Variants in MYO5A observed in about 807,000 individuals in gnomAD.
The protein encoded by MYO5A is myosin VA.
In MYO5A, 98 loss-of-function variants were observed where a neutral mutation model predicts 249.7. The ratio of observed to expected loss-of-function variants is 0.39; its 90% confidence interval spans 0.33 to 0.46. MYO5A has a LOEUF of 0.46. Ranked by LOEUF, MYO5A falls within the 20% of genes least tolerant of loss-of-function variation. The pLI is 0.98. For missense variants in MYO5A, 1,696 were observed against 2,308.8 expected (o/e 0.73, Z 5.44); for synonymous variants, 778 against 810.6 (o/e 0.96, Z 0.68).
At chr15:52,345,616 A>G (rs1355386693) in intron 30 of MYO5A, among the ~76,000 whole-genome samples, 1 of 152,040 alleles carries the variant, frequency 6.6e-6, no homozygotes, top group East Asian at 1.9e-4. Flanking sequence ...AAAGAAAAGA[A>G]ATAAGAAAAA....
At chr15:52,411,433 G>C (rs546864221) in intron 5 of MYO5A, among the ~76,000 whole-genome samples, 9 of 152,040 alleles carry the variant, frequency 5.9e-5, no homozygotes, top group Admixed American at 1.3e-4. Flanking sequence ...AGAATACAGA[G>C]AATATAACTT....
At chr15:52,337,020 T>C (rs573246416) in intron 33 of MYO5A, among the ~76,000 whole-genome samples, 3 of 152,208 alleles carry the variant, frequency 2.0e-5, no homozygotes, top group Non-Finnish European at 4.4e-5. Flanking sequence ...TATGAAATTC[T>C]AAAATTAGCC....
In MYO5A at chr15:52,391,944, C is replaced by G; in HGVS notation, c.1528G>C (p.Asp510His). The G allele has an allele frequency of 6.2e-7, 1 of 1,612,926 alleles. No homozygotes were observed. Residue 510 changes from aspartate (D) to histidine (H), a missense_variant, in exon 12 of 42, where the codon GAT (aspartate) becomes CAT (histidine). Asp to His is a moderately conservative substitution (Grantham distance 81). This residue lies in a region of MYO5A where 277 missense variants were observed against 422.4 expected (regional missense o/e 0.66). Transcript: ENST00000399233. ...ATCATACTTACCTTGCATTCCTCATCCAGTAAATCTAGAATGCCTAGTTTT... is the reference window on the plus strand; with the variant it reads ...ATCATACTTACCTTGCATTCCTCATGCAGTAAATCTAGAATGCCTAGTTTT... ...ESKLGILDLL[D>H]EECKMPKGTD...
intron 20 of MYO5A, 46 bp from the exon 21 acceptor site, chr15:52,372,409 ACTCATGAT>A: frequency 6.3e-7 from 1 of 1,595,950 alleles, no homozygotes; most frequent in Non-Finnish European, 8.5e-7. Flanking sequence ...CCTGGACTAC[ACTCATGAT>A]TATCAATCTA....
chr15:52,504,223 T>A (rs985302447), intron 1 of MYO5A, among the ~76,000 whole-genome samples: 2 of 152,232 alleles, frequency 1.3e-5, no homozygotes, highest in Admixed American at 1.3e-4. Flanking sequence ...CTCCACCCAC[T>A]CACTCTTACT....
At chr15:52,342,639 G>T (rs530538889) in intron 31 of MYO5A, among the ~76,000 whole-genome samples, 243 of 152,246 alleles carry the variant, frequency 1.6e-3, no homozygotes, top group African/African-American at 5.7e-3. Flanking sequence ...TTTGGACCGG[G>T]TGTGGTGGCT....
At chr15:52,515,658 C>A (rs1299920840) in intron 1 of MYO5A, among the ~76,000 whole-genome samples, 3 of 152,106 alleles carry the variant, frequency 2.0e-5, no homozygotes, top group Non-Finnish European at 4.4e-5. Flanking sequence ...AAGGAGGGAG[C>A]AGATGACAAT....
chr15:52,521,227 CAAAAA>C (rs10533876), intron 1 of MYO5A, among the ~76,000 whole-genome samples: 9 of 137,888 alleles, frequency 6.5e-5, no homozygotes, highest in South Asian at 2.3e-4. Context: ...GACTCTGTCT[CAAAAA>C]AAAAAAAAAA....
In MYO5A at chr15:52,384,231, G is replaced by A. The variant is rs765137005; in HGVS notation, c.1844C>T (p.Thr615Ile). 1 of 1,614,244 alleles carries A rather than the reference G, an allele frequency of 6.2e-7. No homozygotes were observed. Among genetic ancestry groups the A allele is most frequent in the Admixed American group, 1.7e-5 (1 of 60,038 alleles). ...TSSGRTPLTR[T>I]PAKPTKGRPG... is the part of the protein sequence containing the mutation. ...TCTGCCTTTGGTGGGCTTTGCAGGA[G>A]TTCGTGTGAGGGGTGTGCGCCCTGA... is the stretch of plus-strand genomic sequence containing the variant. Residue 615 changes from threonine (T) to isoleucine (I), a missense_variant, in exon 15 of 42, where the codon ACT becomes ATT. By Grantham distance (89) the Thr-to-Ile change is moderately conservative (BLOSUM62 -1). Around this residue, in one of 5 missense-constraint regions of MYO5A, gnomAD observed 277 missense variants for 422.4 expected, o/e 0.66. Transcript: ENST00000399233.
chr15:52,493,530 C>T (rs1292163318), intron 1 of MYO5A, among the ~76,000 whole-genome samples: 2 of 151,992 alleles, frequency 1.3e-5, no homozygotes, highest in African/African-American at 2.4e-5. Context: ...GGCACGGTGG[C>T]GGGCCCCTCT....
In MYO5A at chr15:52,309,153, A is replaced by T. The variant is rs1251116685; in HGVS notation, c.*4543T>A. 6.6e-6 allele frequency: 1 copy of T among 152,238 alleles called. No homozygotes were observed. The highest frequency in any genetic ancestry group is 2.4e-5 in the African/African-American group (1 of 41,426). 9.4% of individuals were successfully genotyped at this position (152,238 alleles called of 1,614,324 possible). A position where few individuals can be genotyped will look rare whatever the true frequency, so the allele number is the denominator to read the frequency against. ...AATAAAGACTCTGATGGGTGTGGGG[A>T]GAGTAACTTTCCTCTTAATTTCAGA... On this transcript the variant is annotated 3_prime_UTR_variant, in exon 42 of 42. Coordinates refer to ENST00000399233, the MANE Select transcript of MYO5A (RefSeq NM_001382347.1).
chr15:52,409,811 A>G (rs1194454822), intron 6 of MYO5A, among the ~76,000 whole-genome samples: 1 of 151,984 alleles, frequency 6.6e-6, no homozygotes, highest in Non-Finnish European at 1.5e-5. Context: ...CCAAGAGCAT[A>G]TATGTGGATG....
chr15:52,466,363 C>T (rs903492190), intron 1 of MYO5A, among the ~76,000 whole-genome samples: 1 of 152,078 alleles, frequency 6.6e-6, no homozygotes, highest in Non-Finnish European at 1.5e-5. Context: ...CTGGGCTCCC[C>T]CCAACCCCAC....
At chr15:52,466,617 G>A (rs1044381404) in intron 1 of MYO5A, among the ~76,000 whole-genome samples, 1 of 152,206 alleles carries the variant, frequency 6.6e-6, no homozygotes, top group Non-Finnish European at 1.5e-5. Context: ...CCCAGGCTGA[G>A]ACATCAGCAT....
At chr15:52,330,607 C>T in intron 34 of MYO5A, 108 bp from the exon 35 acceptor site, 2 of 1,316,440 alleles carry the variant, frequency 1.5e-6, no homozygotes, top group South Asian at 2.6e-5. Flanking sequence ...CGAAACTTGC[C>T]ATATTTGCCA....
intron 1 of MYO5A, among the ~76,000 whole-genome samples, chr15:52,481,382 G>T (rs1440641443): frequency 1.3e-5 from 2 of 152,202 alleles, no homozygotes; most frequent in Non-Finnish European, 2.9e-5. Flanking sequence ...TATTTAGTAT[G>T]TGTATATTCT....
At position 52,384,214 on chromosome 15, in the gene MYO5A, T is replaced by C; in HGVS notation, c.1861A>G (p.Lys621Glu). Residue 621 changes from lysine to glutamate, a missense_variant, in exon 15 of 42, where the codon AAA (lysine) becomes GAA (glutamate). Physicochemically the swap from Lys to Glu is moderately conservative, Grantham distance 56. Coordinates refer to ENST00000399233, the MANE Select transcript of MYO5A (RefSeq NM_001382347.1). ...PLTRTPAKPT[K>E]GRPGQMAKEH... ...TTGGCCATTTGGCCTGGTCTGCCTT[T>C]GGTGGGCTTTGCAGGAGTTCGTGTG... is the stretch of plus-strand genomic sequence containing the variant. 1 of 1,614,184 alleles carries C rather than the reference T, an allele frequency of 6.2e-7. No individual in the cohort carries two copies. The highest frequency in any genetic ancestry group is 1.7e-5 in the Admixed American group (1 of 60,028).
intron 18 of MYO5A, 111 bp from the exon 19 acceptor site, chr15:52,376,669 C>T: frequency 9.7e-7 from 1 of 1,035,028 alleles, no homozygotes; most frequent in Non-Finnish European, 1.4e-6. Flanking sequence ...TTAGCTAAAA[C>T]TTGGGCTACA....
intron 1 of MYO5A, among the ~76,000 whole-genome samples, chr15:52,461,753 G>A (rs1289400910): frequency 1.3e-5 from 2 of 151,914 alleles, no homozygotes; most frequent in Non-Finnish European, 2.9e-5. Flanking sequence ...GCGAGGTGAG[G>A]AGTTTGAGAC....
Sources: allele counts gnomAD v4.1 joint callset (sites outside exome capture counted in the v4.1 genomes callset), GRCh38; gene constraint gnomAD v4.1.1; regional missense constraint gnomAD v4.1.1; transcripts MANE v1.5; gene names NCBI Gene and HGNC (gene_info 2026-07-23, HGNC 2026-07-21).